Variants in MYO9A observed in about 807,000 individuals in gnomAD.
MYO9A encodes the protein myosin IXA.
A neutral mutation model predicts 293.3 loss-of-function variants in MYO9A; 103 were observed. The observed-to-expected ratio is 0.35, with a 90% CI of 0.30 to 0.41. MYO9A has a LOEUF of 0.41. Ranked by LOEUF, MYO9A falls within the 10% of genes least tolerant of loss-of-function variation. The pLI is 1.00. For synonymous variants in MYO9A, 1,001 were observed against 1,035.7 expected (o/e 0.97, Z 0.64); for missense variants, 2,685 against 3,033.0 (o/e 0.89, Z 2.69).
In MYO9A at chr15:71,963,812, C is replaced by G. The variant is rs186523722; in HGVS notation, c.1987-3716G>C. Among the ~76,000 whole-genome samples the G allele has an allele frequency of 6.6e-5, 10 of 152,222 alleles. No homozygotes were observed. The East Asian group carries it at 1.9e-3, about 29-fold the overall frequency. On this transcript the variant is annotated intron_variant, in intron 13 of 41. Coordinates refer to ENST00000356056, the MANE Select transcript of MYO9A (RefSeq NM_006901.4). ...ATCTTTCTTATTATTTCTTGAGATC[C>G]ATTAACAAATCTTAAAGGATATGTC...
chr15:72,071,217 T>G (rs1173762098), intron 1 of MYO9A, among the ~76,000 whole-genome samples: 3 of 151,550 alleles, frequency 2.0e-5, no homozygotes, highest in African/African-American at 7.3e-5. Flanking sequence ...ACAAACCATC[T>G]CATTAAAAGG....
chr15:72,041,882 A>C (rs901688735), intron 2 of MYO9A, among the ~76,000 whole-genome samples: 1 of 151,932 alleles, frequency 6.6e-6, no homozygotes, highest in Non-Finnish European at 1.5e-5. Flanking sequence ...CTTACTAAAA[A>C]AAAAAAAACA....
At chr15:72,094,252 G>A (rs2080008644) in intron 1 of MYO9A, among the ~76,000 whole-genome samples, 1 of 86,346 alleles carries the variant, frequency 1.2e-5, no homozygotes, top group African/African-American at 2.7e-5. Context: ...AAAGAAGGAA[G>A]AGGAGGAGGA....
chr15:72,050,338 G>A (rs2078519808), intron 1 of MYO9A, among the ~76,000 whole-genome samples: 1 of 152,064 alleles, frequency 6.6e-6, no homozygotes, highest in Non-Finnish European at 1.5e-5. Flanking sequence ...GCCGGGTGCG[G>A]TGGCTCACAC....
rs2058278789 is a variant in MYO9A at position 71,925,324 on chromosome 15, CATATATACGTATATGT to C, written c.2562+8330_2562+8345del. Among the ~76,000 whole-genome samples, 5 of 23,418 alleles carry C rather than the reference CATATATACGTATATGT, an allele frequency of 2.1e-4. 1 individual carries two copies. Among genetic ancestry groups the C allele is most frequent in the Admixed American group, 1.6e-3 (3 of 1,890 alleles). The allele number at this position is 23,418 out of a possible 152,430, so 15.4% of individuals were successfully genotyped here. On this transcript the variant is annotated intron_variant, in intron 18 of 41. Transcript: ENST00000356056. ...ATATATACGTATATACGTATATGTACATATATACGTATATGTACATATATACTTACATGTATATATA... is the reference window on the plus strand; with the variant it reads ...ATATATACGTATATACGTATATGTACACATATATACTTACATGTATATATA...
At chr15:71,978,042 T>C (rs1275255745) in intron 12 of MYO9A, 129 bp downstream of exon 12, 1 of 1,104,468 alleles carries the variant, frequency 9.1e-7, no homozygotes. Context: ...GTCTCAAAAA[T>C]AAATAAAAAA....
At chr15:71,861,548 C>G (rs1462344245) in intron 33 of MYO9A, among the ~76,000 whole-genome samples, 3 of 146,938 alleles carry the variant, frequency 2.0e-5, no homozygotes, top group Non-Finnish European at 4.5e-5. Flanking sequence ...AGAAAAAGTA[C>G]CTTTTTGACT....
intron 4 of MYO9A, among the ~76,000 whole-genome samples, chr15:72,022,792 T>C (rs1181580586): frequency 6.6e-6 from 1 of 151,962 alleles, no homozygotes; most frequent in Non-Finnish European, 1.5e-5. Context: ...TCAGGTGATC[T>C]ACCCATCTTG....
chr15:71,983,797 T>C (rs2076341504), intron 11 of MYO9A, among the ~76,000 whole-genome samples: 1 of 152,214 alleles, frequency 6.6e-6, no homozygotes, highest in Non-Finnish European at 1.5e-5. Flanking sequence ...TAGTTCTATT[T>C]AAGCCATAAA....
chr15:71,840,731 G>A (rs1168287727), intron 39 of MYO9A, among the ~76,000 whole-genome samples: 1 of 152,210 alleles, frequency 6.6e-6, no homozygotes, highest in African/African-American at 2.4e-5. Flanking sequence ...TGGGGTTCAC[G>A]CCATTCTTCT....
chr15:71,907,715 T>C (rs1051096650), intron 19 of MYO9A, among the ~76,000 whole-genome samples: 2 of 151,730 alleles, frequency 1.3e-5, no homozygotes, highest in Non-Finnish European at 1.5e-5. Flanking sequence ...CATTTTTTCA[T>C]GTGTTTTTTG....
intron 16 of MYO9A, among the ~76,000 whole-genome samples, chr15:71,938,479 G>T (rs2058693869): frequency 6.6e-6 from 1 of 152,080 alleles, no homozygotes; most frequent in African/African-American, 2.4e-5. Context: ...TGGATGGTTT[G>T]ATGTAAATCA....
chr15:72,110,307 G>C (rs1468998291), intron 1 of MYO9A, among the ~76,000 whole-genome samples: 1 of 150,632 alleles, frequency 6.6e-6, no homozygotes, highest in African/African-American at 2.4e-5. Flanking sequence ...ACGGTGGCAG[G>C]CACCTGTAAT....
At chr15:72,003,718 A>AAT (rs1021439915) in intron 8 of MYO9A, among the ~76,000 whole-genome samples, 3 of 151,904 alleles carry the variant, frequency 2.0e-5, no homozygotes, top group Non-Finnish European at 4.4e-5. Flanking sequence ...AAAAAAAAAA[A>AAT]AAATAAGAAC....
chr15:72,010,651 C>G (rs969385351), intron 6 of MYO9A, among the ~76,000 whole-genome samples: 2 of 152,032 alleles, frequency 1.3e-5, no homozygotes, highest in African/African-American at 4.8e-5. Flanking sequence ...ACTAAAATAC[C>G]AATAAGTTAC....
chr15:71,986,076 G>C (rs2076400728), intron 11 of MYO9A, among the ~76,000 whole-genome samples: 2 of 152,148 alleles, frequency 1.3e-5, no homozygotes, highest in Admixed American at 1.3e-4. Context: ...ATCTGCAAAA[G>C]TTTCCACATT....
At chr15:72,104,317 G>C (rs1312749573) in intron 1 of MYO9A, among the ~76,000 whole-genome samples, 1 of 152,180 alleles carries the variant, frequency 6.6e-6, no homozygotes, top group African/African-American at 2.4e-5. Flanking sequence ...TGTAATAAAT[G>C]CATTTTCGAC....
intron 32 of MYO9A, among the ~76,000 whole-genome samples, chr15:71,864,528 G>A (rs1002568475): frequency 1.3e-4 from 20 of 152,236 alleles, no homozygotes; most frequent in African/African-American, 4.6e-4. Context: ...AAACCTGTAC[G>A]TAACTGTTCA....
chr15:71,849,893 A>G, intron 38 of MYO9A, 143 bp downstream of exon 38: 2 of 903,674 alleles, frequency 2.2e-6, no homozygotes, highest in Non-Finnish European at 1.6e-6. Flanking sequence ...CATCCTCAGC[A>G]TAAGAAAACC....
Sources: gnomAD v4.1 joint callset for allele counts (sites outside exome capture counted in the v4.1 genomes callset) on GRCh38, gnomAD v4.1.1 for gene constraint, MANE v1.5 for transcripts, NCBI Gene and HGNC (gene_info 2026-07-23, HGNC 2026-07-21) for gene names.